ERC2: variants seen among roughly 807,000 people sequenced by gnomAD.
The protein encoded by ERC2 is ELKS/RAB6-interacting/CAST family member 2, also known as ERC protein 2.
ERC2 carries 42 observed loss-of-function variants against 114.8 expected under a neutral mutation model. The ratio of observed to expected loss-of-function variants is 0.37; its 90% CI spans 0.29 to 0.47. The LOEUF is 0.47. Among genes scored for constraint, ERC2 ranks in the 20% least tolerant of loss-of-function variants. The pLI is 0.99. For synonymous variants in ERC2, 454 were observed against 425.5 expected (o/e 1.07, Z -0.82); for missense variants, 939 against 1,150.7 (o/e 0.82, Z 2.66).
intron 6 of ERC2, among the ~76,000 whole-genome samples, chr3:56,091,205 A>G (rs909103493): frequency 2.0e-5 from 3 of 152,004 alleles, no homozygotes; most frequent in Non-Finnish European, 4.4e-5. Flanking sequence ...ACTAGGATGG[A>G]GGTGGTGGAG....
intron 10 of ERC2, among the ~76,000 whole-genome samples, chr3:55,998,856 G>A (rs1043287196): frequency 6.6e-6 from 1 of 152,132 alleles, no homozygotes; most frequent in Non-Finnish European, 1.5e-5. Context: ...CTAAATATGT[G>A]TTGAGAAGAG....
chr3:56,428,652 G>A (rs1463894105), intron 2 of ERC2, among the ~76,000 whole-genome samples: 1 of 152,090 alleles, frequency 6.6e-6, no homozygotes, highest in Admixed American at 6.5e-5. Context: ...GATCCATCTC[G>A]ATCTTTTCAA....
chr3:55,698,255 G>A (rs1201088830), intron 16 of ERC2, among the ~76,000 whole-genome samples: 4 of 151,974 alleles, frequency 2.6e-5, no homozygotes, highest in Admixed American at 2.6e-4. Context: ...TCAGGGGCTG[G>A]GGAGCCTCCT....
intron 2 of ERC2, among the ~76,000 whole-genome samples, chr3:56,405,198 C>T (rs757526161): frequency 6.6e-6 from 1 of 152,102 alleles, no homozygotes; most frequent in South Asian, 2.1e-4. Context: ...AATCCCAGCA[C>T]CTTGGGAGGC....
At chr3:55,768,154 C>T (rs1575541151) in intron 14 of ERC2, among the ~76,000 whole-genome samples, 1 of 152,308 alleles carries the variant, frequency 6.6e-6, no homozygotes, top group Non-Finnish European at 1.5e-5. Flanking sequence ...TCTGGTACAG[C>T]CTGCAAAACC....
chr3:55,849,536 C>T (rs1201177617), intron 14 of ERC2, among the ~76,000 whole-genome samples: 1 of 152,148 alleles, frequency 6.6e-6, no homozygotes, highest in African/African-American at 2.4e-5. Context: ...CAACTCCCTG[C>T]CTTCTCTCAA....
chr3:55,914,297 C>G (rs1394223180), intron 13 of ERC2, among the ~76,000 whole-genome samples: 1 of 152,106 alleles, frequency 6.6e-6, no homozygotes, highest in Non-Finnish European at 1.5e-5. Context: ...TAGTCTCACT[C>G]CCTCTAATGT....
chr3:56,096,591 G>A (rs542377768), intron 6 of ERC2, among the ~76,000 whole-genome samples: 1 of 152,140 alleles, frequency 6.6e-6, no homozygotes, highest in African/African-American at 2.4e-5. Flanking sequence ...TATATACAAG[G>A]TAGGTATTAT....
At position 55,805,025 on chromosome 3, in the gene ERC2, T is replaced by TCCA. The variant is rs113705314; in HGVS notation, c.2565-70110_2565-70108dup. Among the ~76,000 whole-genome samples, 749 of 152,046 alleles carry TCCA rather than the reference T, an allele frequency of 4.9e-3. 6 individuals carry two copies. Among genetic ancestry groups the TCCA allele is most frequent in the African/African-American group, 0.017 (709 of 41,508 alleles). On this transcript the variant is annotated intron_variant, in intron 14 of 17. Transcript: ENST00000288221. ...TGTCAGAATTACTTAAATTTAGCCC[T>TCCA]CCACCTTCAAACAGGAGCTATATTT... is the stretch of plus-strand genomic sequence containing the variant.
At chr3:56,274,103 G>A (rs2053837477) in intron 3 of ERC2, among the ~76,000 whole-genome samples, 1 of 152,184 alleles carries the variant, frequency 6.6e-6, no homozygotes, top group Non-Finnish European at 1.5e-5. Flanking sequence ...AGACCACATG[G>A]CAGGAGGTGA....
At chr3:55,957,525 G>A (rs993319911) in intron 12 of ERC2, among the ~76,000 whole-genome samples, 5 of 152,140 alleles carry the variant, frequency 3.3e-5, no homozygotes, top group Non-Finnish European at 4.4e-5. Flanking sequence ...GTGGCCAGCC[G>A]CACCCCTGCT....
At chr3:55,620,547 C>G (rs555194679) in intron 17 of ERC2, among the ~76,000 whole-genome samples, 8 of 152,288 alleles carry the variant, frequency 5.3e-5, no homozygotes, top group South Asian at 2.1e-4. Context: ...CCCTCTAACC[C>G]CACCGTCTGC....
At chr3:56,418,796 C>T (rs748866681) in intron 2 of ERC2, among the ~76,000 whole-genome samples, 1 of 152,184 alleles carries the variant, frequency 6.6e-6, no homozygotes, top group Non-Finnish European at 1.5e-5. Flanking sequence ...GGGGCTCAGG[C>T]CTTCCCCAAC....
intron 7 of ERC2, among the ~76,000 whole-genome samples, chr3:56,023,099 G>C (rs774892130): frequency 1.5e-4 from 23 of 152,126 alleles, no homozygotes; most frequent in Non-Finnish European, 3.4e-4. Flanking sequence ...TGTTCAGCAG[G>C]GGAGCTTTGT....
At chr3:55,800,758 T>C (rs534634053) in intron 14 of ERC2, among the ~76,000 whole-genome samples, 2 of 152,048 alleles carry the variant, frequency 1.3e-5, no homozygotes, top group Non-Finnish European at 2.9e-5. Flanking sequence ...GGGTGACATA[T>C]ACAAATGGCA....
chr3:56,156,972 TGATTA>T, intron 4 of ERC2, among the ~76,000 whole-genome samples: 1 of 152,182 alleles, frequency 6.6e-6, no homozygotes, highest in Admixed American at 6.5e-5. Flanking sequence ...TGCTATGTAT[TGATTA>T]CCTACACAAG....
chr3:55,700,147 C>T (rs2063145330), intron 15 of ERC2, among the ~76,000 whole-genome samples: 1 of 152,220 alleles, frequency 6.6e-6, no homozygotes, highest in African/African-American at 2.4e-5. Flanking sequence ...CTCTAATTTA[C>T]AATCCACGAT....
At chr3:55,940,366 A>G (rs2066711201) in intron 13 of ERC2, among the ~76,000 whole-genome samples, 2 of 152,076 alleles carry the variant, frequency 1.3e-5, no homozygotes, top group South Asian at 4.1e-4. Context: ...CCTGCTTGAT[A>G]CATTCGTCTC....
chr3:55,864,219 ACACATATATATGTG>A (rs2062189485), intron 14 of ERC2, among the ~76,000 whole-genome samples: 1 of 143,756 alleles, frequency 7.0e-6, no homozygotes, highest in South Asian at 2.2e-4. Flanking sequence ...ACACATATAT[ACACATATATATGTG>A]TGTGTGTGTA....
Sources: gnomAD v4.1 joint callset for allele counts (sites outside exome capture counted in the v4.1 genomes callset) on GRCh38, gnomAD v4.1.1 for gene constraint, MANE v1.5 for transcripts, NCBI Gene and HGNC (gene_info 2026-07-23, HGNC 2026-07-21) for gene names.